The following DOK5 variants were observed in gnomAD, a reference collection of about 807,000 sequenced individuals.
DOK5 encodes docking protein 5, also known as downstream of tyrosine kinase 5.
Under a neutral mutation model 43.3 loss-of-function variants are expected in DOK5, and 27 were observed. That is an observed-to-expected ratio of 0.62 (90% confidence interval 0.46 to 0.86). The LOEUF is 0.86. Ranked by LOEUF, DOK5 falls within the 40% of genes least tolerant of loss-of-function variation. The pLI is 0.00. For missense variants in DOK5, 373 were observed against 392.9 expected (o/e 0.95, Z 0.43); for synonymous variants, 146 against 140.1 (o/e 1.04, Z -0.30).
intron 6 of DOK5, among the ~76,000 whole-genome samples, chr20:54,641,067 T>G (rs558158059): frequency 6.6e-6 from 1 of 152,330 alleles, no homozygotes; most frequent in South Asian, 2.1e-4. Flanking sequence ...ATATGCATAC[T>G]TATTATTTGT....
At chr20:54,564,624 A>G (rs901921376) in intron 2 of DOK5, among the ~76,000 whole-genome samples, 2 of 152,158 alleles carry the variant, frequency 1.3e-5, no homozygotes, top group African/African-American at 4.8e-5. Flanking sequence ...AATCAGAGAG[A>G]GAGAAAAAAA....
At chr20:54,513,772 AAC>A (rs1431074727) in intron 1 of DOK5, among the ~76,000 whole-genome samples, 11 of 152,360 alleles carry the variant, frequency 7.2e-5, no homozygotes, top group African/African-American at 2.6e-4. Context: ...TAAAAAAGAA[AAC>A]ACAATTATTT....
intron 2 of DOK5, among the ~76,000 whole-genome samples, chr20:54,581,583 C>T (rs986101764): frequency 3.3e-5 from 5 of 151,786 alleles, no homozygotes; most frequent in African/African-American, 1.2e-4. Context: ...TTCTAGTTTT[C>T]AGTGTACAAA....
At chr20:54,525,600 C>T (rs1284818025) in intron 1 of DOK5, among the ~76,000 whole-genome samples, 5 of 152,168 alleles carry the variant, frequency 3.3e-5, no homozygotes, top group African/African-American at 1.2e-4. Context: ...GTTACTCAAC[C>T]TGTTGGAAGT....
chr20:54,634,354 T>C (rs1301916375), intron 6 of DOK5, among the ~76,000 whole-genome samples: 1 of 151,522 alleles, frequency 6.6e-6, no homozygotes, highest in Non-Finnish European at 1.5e-5. Context: ...TTCAGCCAGT[T>C]GTCGGTCAGG....
chr20:54,587,850 G>A (rs915137277), intron 2 of DOK5, among the ~76,000 whole-genome samples: 3 of 152,200 alleles, frequency 2.0e-5, no homozygotes, highest in African/African-American at 7.2e-5. Context: ...CCACTGAGGA[G>A]CTAGGAGTAA....
At chr20:54,633,950 G>A (rs183325469) in intron 6 of DOK5, among the ~76,000 whole-genome samples, 6 of 152,336 alleles carry the variant, frequency 3.9e-5, no homozygotes, top group Admixed American at 3.9e-4. Context: ...CATAAAAACA[G>A]TTGGATTCCA....
chr20:54,519,751 C>T (rs1419402290), intron 1 of DOK5, among the ~76,000 whole-genome samples: 1 of 152,068 alleles, frequency 6.6e-6, no homozygotes, highest in Non-Finnish European at 1.5e-5. Flanking sequence ...GAGAATGATG[C>T]ATTCAATAAC....
chr20:54,592,860 A>G (rs1986023039), intron 5 of DOK5, among the ~76,000 whole-genome samples: 1 of 152,216 alleles, frequency 6.6e-6, no homozygotes, highest in Non-Finnish European at 1.5e-5. Flanking sequence ...AGAATTTTAA[A>G]TGCCTAAATT....
intron 5 of DOK5, among the ~76,000 whole-genome samples, chr20:54,610,123 C>CT (rs962012816): frequency 3.6e-4 from 55 of 152,068 alleles, no homozygotes; most frequent in Non-Finnish European, 5.9e-4. Context: ...CAAGAAACAG[C>CT]TTTTTTTTAA....
At chr20:54,590,168 G>A (rs1440685299) in intron 4 of DOK5, among the ~76,000 whole-genome samples, 1 of 152,170 alleles carries the variant, frequency 6.6e-6, no homozygotes, top group African/African-American at 2.4e-5. Flanking sequence ...CGGTGCGTAG[G>A]AGATACCTTT....
chr20:54,624,444 G>A (rs747194677), intron 6 of DOK5, among the ~76,000 whole-genome samples: 25 of 152,204 alleles, frequency 1.6e-4, no homozygotes, highest in Non-Finnish European at 2.8e-4. Flanking sequence ...TAAGCTCAGG[G>A]TCTGGCACAG....
At position 54,591,538 on chromosome 20, in the gene DOK5, A is replaced by G. The variant is rs1259263339; in HGVS notation, c.410-78A>G. 4.4e-6 allele frequency: 5 copies of G among 1,130,554 alleles called. No individual in the cohort carries two copies. The East Asian group carries it at 1.3e-4, about 29-fold the overall frequency. The allele number at this position is 1,130,554 out of a possible 1,614,324, so 70.0% of individuals were successfully genotyped here. A position where few individuals can be genotyped will look rare whatever the true frequency, so the allele number is the denominator to read the frequency against. On this transcript the variant is annotated intron_variant, in intron 4 of 7. Transcript: ENST00000262593. ...TAGAATGTGAACTTGAATTGTTTTT[A>G]AATGCCTCTATGTTCCTACAATGTC...
At chr20:54,643,325 T>G (rs1979215213) in intron 6 of DOK5, 133 bp from the exon 7 acceptor site, 1 of 1,247,452 alleles carries the variant, frequency 8.0e-7, no homozygotes, top group Admixed American at 2.0e-5. Flanking sequence ...GCCCACCACC[T>G]TCAATCGATG....
chr20:54,496,354 G>A (rs1158371876), intron 1 of DOK5, among the ~76,000 whole-genome samples: 7 of 152,182 alleles, frequency 4.6e-5, no homozygotes, highest in Admixed American at 4.6e-4. Flanking sequence ...GAATATAAGG[G>A]TTATTAAAAA....
At chr20:54,560,117 A>T (rs1984849143) in intron 2 of DOK5, among the ~76,000 whole-genome samples, 1 of 152,158 alleles carries the variant, frequency 6.6e-6, no homozygotes, top group African/African-American at 2.4e-5. Flanking sequence ...CATCCAACTT[A>T]TCTGTGTGTG....
intron 2 of DOK5, among the ~76,000 whole-genome samples, chr20:54,578,038 C>T (rs1226587359): frequency 6.6e-6 from 1 of 152,120 alleles, no homozygotes; most frequent in Non-Finnish European, 1.5e-5. Context: ...TTTACATATC[C>T]CCAAATCCTA....
intron 6 of DOK5, among the ~76,000 whole-genome samples, chr20:54,616,982 G>C (rs1269638414): frequency 6.6e-6 from 1 of 151,890 alleles, no homozygotes; most frequent in Non-Finnish European, 1.5e-5. Flanking sequence ...AGTGGAGACG[G>C]GGTTTCACCT....
chr20:54,553,893 T>C (rs1160075417), intron 1 of DOK5, among the ~76,000 whole-genome samples: 9 of 115,000 alleles, frequency 7.8e-5, no homozygotes, highest in Non-Finnish European at 1.1e-4. Context: ...CAAGACTCTG[T>C]CTCAAAAAAA....
Sources: allele counts gnomAD v4.1 joint callset (sites outside exome capture counted in the v4.1 genomes callset), GRCh38; gene constraint gnomAD v4.1.1; transcripts MANE v1.5; gene names NCBI Gene and HGNC (gene_info 2026-07-23, HGNC 2026-07-21).